Variants in STXBP6 observed in about 807,000 individuals in gnomAD.
The protein encoded by STXBP6 is syntaxin-binding protein 6.
Under a neutral mutation model 26.9 loss-of-function variants are expected in STXBP6, and 21 were observed. The observed-to-expected ratio is 0.78, with a 90% CI of 0.55 to 1.12. STXBP6 has a LOEUF of 1.12. Ranked by LOEUF, STXBP6 falls within the 50% of genes most tolerant of loss-of-function variation. STXBP6 has a pLI of 0.00. For missense variants in STXBP6, 232 were observed against 257.9 expected, an observed-to-expected ratio of 0.90 and a Z score of 0.69; for synonymous variants, 97 against 92.6, an observed-to-expected ratio of 1.05 and a Z score of -0.27.
At chr14:24,900,399 A>C in intron 2 of STXBP6, among the ~76,000 whole-genome samples, 1 of 152,242 alleles carries the variant, frequency 6.6e-6, no homozygotes, top group Non-Finnish European at 1.5e-5. Context: ...ACAGGAAAGC[A>C]GTATAAGAGT....
At chr14:24,912,699 C>T (rs2071618301) in intron 2 of STXBP6, among the ~76,000 whole-genome samples, 1 of 151,978 alleles carries the variant, frequency 6.6e-6, no homozygotes, top group South Asian at 2.1e-4. Context: ...AAAGTGTGGC[C>T]CTCAGACCAT....
chr14:24,926,536 C>T (rs760207368), intron 2 of STXBP6, among the ~76,000 whole-genome samples: 6 of 152,102 alleles, frequency 3.9e-5, no homozygotes, highest in African/African-American at 1.2e-4. Context: ...TATAGGCTGA[C>T]GAACTCCATT....
At chr14:24,886,124 G>A (rs868043819) in intron 2 of STXBP6, among the ~76,000 whole-genome samples, 10 of 152,272 alleles carry the variant, frequency 6.6e-5, no homozygotes, top group Middle Eastern at 3.4e-3. Context: ...AACACTTTCT[G>A]TATATGACCT....
At chr14:24,953,734 A>G (rs1407065045) in intron 2 of STXBP6, among the ~76,000 whole-genome samples, 1 of 152,258 alleles carries the variant, frequency 6.6e-6, no homozygotes, top group Non-Finnish European at 1.5e-5. Flanking sequence ...AGATCTCAAC[A>G]AAGATTTTTA....
At chr14:24,962,292 TTTATTTA>T (rs1595198426) in intron 2 of STXBP6, among the ~76,000 whole-genome samples, 4 of 4,936 alleles carry the variant, frequency 8.1e-4, no homozygotes, top group Non-Finnish European at 1.8e-3. Flanking sequence ...AGATATTTTA[TTTATTTA>T]TTTATTTATT....
intron 2 of STXBP6, among the ~76,000 whole-genome samples, chr14:24,875,253 C>A (rs1031125850): frequency 2.0e-5 from 3 of 152,172 alleles, no homozygotes; most frequent in Non-Finnish European, 2.9e-5. Context: ...AGCGCCCTCA[C>A]AATTCTATGA....
intron 4 of STXBP6, among the ~76,000 whole-genome samples, chr14:24,855,153 C>A (rs1007111801): frequency 6.6e-6 from 1 of 151,796 alleles, no homozygotes; most frequent in Admixed American, 6.6e-5. Context: ...ATATACAGCC[C>A]AAGGAGAAGA....
At chr14:24,853,934 C>A (rs539509149) in intron 4 of STXBP6, among the ~76,000 whole-genome samples, 1 of 151,982 alleles carries the variant, frequency 6.6e-6, no homozygotes, top group Non-Finnish European at 1.5e-5. Flanking sequence ...AAAGGAAGAA[C>A]AAATTAGAGA....
intron 2 of STXBP6, among the ~76,000 whole-genome samples, chr14:24,954,869 A>C (rs989727452): frequency 6.6e-6 from 1 of 152,240 alleles, no homozygotes; most frequent in Non-Finnish European, 1.5e-5. Context: ...TAAAGAGCTC[A>C]GGCTCTGCAG....
At chr14:24,959,402 G>A (rs559701217) in intron 2 of STXBP6, among the ~76,000 whole-genome samples, 10 of 152,292 alleles carry the variant, frequency 6.6e-5, no homozygotes, top group African/African-American at 1.4e-4. Context: ...GAGCAACAGC[G>A]ATGGGGAGAA....
intron 1 of STXBP6, among the ~76,000 whole-genome samples, chr14:25,041,885 G>C (rs1191747686): frequency 6.6e-6 from 1 of 152,156 alleles, no homozygotes; most frequent in Non-Finnish European, 1.5e-5. Flanking sequence ...AAAGTCATCA[G>C]GCGTTAAAGA....
At chr14:24,824,287 T>C (rs558763090) in intron 4 of STXBP6, among the ~76,000 whole-genome samples, 1 of 152,310 alleles carries the variant, frequency 6.6e-6, no homozygotes, top group African/African-American at 2.4e-5. Context: ...CTGCTTCCTG[T>C]GATGAGTGGC....
chr14:24,828,383 T>A (rs1327286265), intron 4 of STXBP6, among the ~76,000 whole-genome samples: 1 of 152,154 alleles, frequency 6.6e-6, no homozygotes, highest in Non-Finnish European at 1.5e-5. Context: ...AATTTCTTAA[T>A]GATAAAACAA....
At chr14:25,041,585 C>CA (rs1018213934) in intron 1 of STXBP6, among the ~76,000 whole-genome samples, 1 of 151,970 alleles carries the variant, frequency 6.6e-6, no homozygotes, top group African/African-American at 2.4e-5. Context: ...AGCCTACAAA[C>CA]AAAAAACAGC....
intron 2 of STXBP6, among the ~76,000 whole-genome samples, chr14:24,924,354 T>C (rs1253163935): frequency 6.6e-6 from 1 of 152,146 alleles, no homozygotes; most frequent in Non-Finnish European, 1.5e-5. Flanking sequence ...AGACCAAAAC[T>C]GAACTGAAGA....
intron 4 of STXBP6, among the ~76,000 whole-genome samples, chr14:24,841,525 T>C (rs1055464149): frequency 2.0e-5 from 3 of 152,204 alleles, no homozygotes; most frequent in African/African-American, 7.2e-5. Flanking sequence ...TTCTTAAACC[T>C]TCTTTAAAAA....
At chr14:25,002,983 T>C (rs1164560448) in intron 1 of STXBP6, among the ~76,000 whole-genome samples, 1 of 152,178 alleles carries the variant, frequency 6.6e-6, no homozygotes, top group African/African-American at 2.4e-5. Flanking sequence ...CGCCTCGGCC[T>C]CTCAAAGTGC....
At chr14:24,852,369 T>C (rs1289633181) in intron 4 of STXBP6, among the ~76,000 whole-genome samples, 1 of 152,182 alleles carries the variant, frequency 6.6e-6, no homozygotes, top group Non-Finnish European at 1.5e-5. Context: ...ATCTCACACG[T>C]CTACGCTTTG....
chr14:24,926,264 A>G (rs2072165020), intron 2 of STXBP6, among the ~76,000 whole-genome samples: 1 of 152,164 alleles, frequency 6.6e-6, no homozygotes, highest in Admixed American at 6.6e-5. Context: ...ACGCTAGGGG[A>G]ATTGCAAGTA....
Sources: allele counts gnomAD v4.1 joint callset (sites outside exome capture counted in the v4.1 genomes callset), GRCh38; gene constraint gnomAD v4.1.1; transcripts MANE v1.5; gene names NCBI Gene and HGNC (gene_info 2026-07-23, HGNC 2026-07-21).